ZNF827: variants seen among roughly 807,000 people sequenced by gnomAD.
ZNF827 encodes zinc finger protein 827.
In ZNF827, 13 loss-of-function variants were observed where a neutral mutation model predicts 102.4. The ratio of observed to expected loss-of-function variants is 0.13; its 90% CI spans 0.08 to 0.20. ZNF827 has a LOEUF of 0.20. Among genes scored for constraint, ZNF827 ranks in the 10% least tolerant of loss-of-function variants. ZNF827 has a pLI of 1.00. For synonymous variants in ZNF827, 523 were observed against 536.2 expected (o/e 0.98, Z 0.34); for missense variants, 1,103 against 1,344.4 (o/e 0.82, Z 2.81).
intron 5 of ZNF827, among the ~76,000 whole-genome samples, chr4:145,856,418 C>T (rs1254806943): frequency 6.6e-6 from 1 of 152,152 alleles, no homozygotes; most frequent in Non-Finnish European, 1.5e-5. Flanking sequence ...GCTCCCCATT[C>T]CTGCTCTGAG....
chr4:145,814,477 C>T (rs1054549374), intron 8 of ZNF827, among the ~76,000 whole-genome samples: 1 of 152,094 alleles, frequency 6.6e-6, no homozygotes, highest in East Asian at 1.9e-4. Flanking sequence ...AGTGTGTATC[C>T]TACATTGTGT....
At chr4:145,829,679 A>C (rs1404109597) in intron 7 of ZNF827, among the ~76,000 whole-genome samples, 1 of 152,192 alleles carries the variant, frequency 6.6e-6, no homozygotes, top group Non-Finnish European at 1.5e-5. Flanking sequence ...GTTCTGTGGG[A>C]GCCAACGTGT....
intron 8 of ZNF827, among the ~76,000 whole-genome samples, chr4:145,802,505 C>A (rs939489303): frequency 3.3e-5 from 5 of 152,180 alleles, no homozygotes; most frequent in Admixed American, 3.3e-4. Context: ...AAGGTGGGAG[C>A]AGGGGTGCAT....
intron 1 of ZNF827, among the ~76,000 whole-genome samples, chr4:145,920,628 G>A (rs1752996981): frequency 6.6e-6 from 1 of 152,234 alleles, no homozygotes; most frequent in African/African-American, 2.4e-5. Flanking sequence ...ATTTTTGAAA[G>A]AGGAAGACAG....
intron 8 of ZNF827, among the ~76,000 whole-genome samples, chr4:145,798,330 AAT>A (rs1740571813): frequency 6.6e-6 from 1 of 152,254 alleles, no homozygotes; most frequent in African/African-American, 2.4e-5. Context: ...CCCTGACATC[AAT>A]AGAGGATTTT....
chr4:145,819,426 C>T (rs79490430), intron 8 of ZNF827, among the ~76,000 whole-genome samples: 2,889 of 152,296 alleles, frequency 0.019, 85 homozygotes, highest in African/African-American at 0.066. Context: ...CCTTTGCTTA[C>T]AGCAAGATGA....
At chr4:145,863,991 C>T (rs985705437) in intron 5 of ZNF827, among the ~76,000 whole-genome samples, 2 of 151,752 alleles carry the variant, frequency 1.3e-5, no homozygotes, top group South Asian at 2.1e-4. Context: ...CTCAGATGTT[C>T]GAGACCAGCC....
At chr4:145,861,865 C>T (rs1231437564) in intron 5 of ZNF827, among the ~76,000 whole-genome samples, 1 of 152,178 alleles carries the variant, frequency 6.6e-6, no homozygotes, top group Non-Finnish European at 1.5e-5. Flanking sequence ...TACAAATTTT[C>T]GTGGCTATAT....
chr4:145,870,116 G>T, intron 5 of ZNF827, 129 bp downstream of exon 5: 1 of 863,128 alleles, frequency 1.2e-6, no homozygotes, highest in Non-Finnish European at 1.8e-6. Context: ...TAATCTGATC[G>T]TTCTTTGAAT....
chr4:145,912,593 G>A (rs552334154), intron 1 of ZNF827, among the ~76,000 whole-genome samples: 55 of 152,204 alleles, frequency 3.6e-4, no homozygotes, highest in Non-Finnish European at 7.5e-4. Context: ...GTGAAGATGA[G>A]GTCATTGGGG....
rs768721535 is a variant in ZNF827, at chr4:145,765,532, C to A, written c.3052+15G>T. ...TGCGGAGGGTTGAGCAGGCTCACAC[C>A]CACCTCCTCCTTACCTTTCTCTGGC... is the stretch of plus-strand genomic sequence containing the variant. On this transcript the variant is annotated intron_variant, in intron 12 of 14. Transcript: ENST00000508784. The surrounding 1 kb of genome is among the most constrained non-coding windows in gnomAD (Gnocchi z 4.7). The A allele has an allele frequency of 5.0e-6, 8 of 1,602,780 alleles. No individual in the cohort carries two copies. The highest frequency in any genetic ancestry group is 6.8e-6 in the Non-Finnish European group (8 of 1,174,358).
At chr4:145,852,002 A>G (rs1460498796) in intron 5 of ZNF827, among the ~76,000 whole-genome samples, 1 of 152,146 alleles carries the variant, frequency 6.6e-6, no homozygotes, top group African/African-American at 2.4e-5. Context: ...AGCTTCCCTC[A>G]TCATGCTTCC....
At chr4:145,892,699 T>A (rs1750700090) in intron 2 of ZNF827, among the ~76,000 whole-genome samples, 1 of 146,242 alleles carries the variant, frequency 6.8e-6, no homozygotes, top group African/African-American at 2.4e-5. Flanking sequence ...AAGGAAGACA[T>A]CGGCAAAGGG....
rs10715391 is a variant in ZNF827, at chr4:145,760,720, GTTTTTT to G, written c.*890_*895del. ...GCTGGGGTTGTGTTTAAGTTTTGTGGTTTTTTTTTTTTTTTTTGTCTTTTGTCTCTC... is the reference window on the plus strand; with the variant it reads ...GCTGGGGTTGTGTTTAAGTTTTGTGGTTTTTTTTTTTGTCTTTTGTCTCTC... On this transcript the variant is annotated 3_prime_UTR_variant, in exon 15 of 15. Transcript: ENST00000508784. The G allele has an allele frequency of 8.5e-6, 6 of 706,222 alleles. No individual in the cohort carries two copies. Among genetic ancestry groups the G allele is most frequent in the South Asian group, 4.6e-5 (1 of 21,610 alleles). The allele number at this position is 706,222 out of a possible 1,614,324, so 43.7% of individuals were successfully genotyped here. A position where few individuals can be genotyped will look rare whatever the true frequency, so the allele number is the denominator to read the frequency against.
chr4:145,769,852 A>G (rs1289979127), intron 11 of ZNF827, among the ~76,000 whole-genome samples: 1 of 152,252 alleles, frequency 6.6e-6, no homozygotes, highest in Non-Finnish European at 1.5e-5. Context: ...ACAATTTTAA[A>G]CAGCACAAAT....
At chr4:145,828,468 T>C (rs2126526654) in intron 7 of ZNF827, among the ~76,000 whole-genome samples, 1 of 152,314 alleles carries the variant, frequency 6.6e-6, no homozygotes, top group South Asian at 2.1e-4. Flanking sequence ...TATCACAACA[T>C]ATTCCCTTTG....
intron 8 of ZNF827, among the ~76,000 whole-genome samples, chr4:145,792,967 G>A (rs1350796010): frequency 1.3e-5 from 2 of 151,946 alleles, no homozygotes; most frequent in Non-Finnish European, 2.9e-5. Context: ...GTTACTGTAG[G>A]TTGTTTGTGT....
At chr4:145,882,361 T>C (rs895950079) in intron 4 of ZNF827, among the ~76,000 whole-genome samples, 1 of 152,236 alleles carries the variant, frequency 6.6e-6, no homozygotes, top group African/African-American at 2.4e-5. Flanking sequence ...CTGAATCAAC[T>C]GCGATGCCGG....
chr4:145,777,671 A>C (rs571521147), intron 9 of ZNF827, among the ~76,000 whole-genome samples: 8 of 152,206 alleles, frequency 5.3e-5, no homozygotes, highest in African/African-American at 1.9e-4. Context: ...TCATTTTCTT[A>C]ATCAGGCTTA....
Sources: gnomAD v4.1 joint callset for allele counts (sites outside exome capture counted in the v4.1 genomes callset) on GRCh38, gnomAD v4.1.1 for gene constraint, Gnocchi (gnomAD v3.1) non-coding constraint, MANE v1.5 for transcripts, NCBI Gene and HGNC (gene_info 2026-07-23, HGNC 2026-07-21) for gene names.